PLCE1: variants seen among roughly 807,000 people sequenced by gnomAD.
PLCE1 encodes the protein 1-phosphatidylinositol 4,5-bisphosphate phosphodiesterase epsilon-1.
A neutral mutation model predicts 242.8 loss-of-function variants in PLCE1; 119 were observed. That is an observed-to-expected ratio of 0.49 (90% confidence interval 0.42 to 0.57). The LOEUF is 0.57. PLCE1 is among the 20% of genes least tolerant of loss of function. PLCE1 has a pLI of 0.00. For synonymous variants in PLCE1, 945 were observed against 1,017.4 expected, an observed-to-expected ratio of 0.93 and a Z score of 1.35; for missense variants, 2,441 against 2,788.8, an observed-to-expected ratio of 0.88 and a Z score of 2.81.
Position 94,049,158 on chromosome 10 carries a change from A to G in PLCE1, c.1206+16906A>G, listed in dbSNP as rs539289256. On this transcript the variant is annotated intron_variant, in intron 2 of 32. Coordinates refer to ENST00000371380, the MANE Select transcript of PLCE1 (RefSeq NM_016341.4). ...TCTTTTCTTTTTTGTAAGATTTTGA[A>G]TAAGCAAAATTCTTAAATTTTATAG... 6.6e-5 allele frequency among the ~76,000 whole-genome samples: 10 copies of G among 152,262 alleles called. No homozygotes were observed. In the East Asian group the frequency reaches 1.9e-3, roughly 29 times the overall value.
At chr10:94,175,843 C>G (rs2048111109) in intron 4 of PLCE1, among the ~76,000 whole-genome samples, 1 of 152,158 alleles carries the variant, frequency 6.6e-6, no homozygotes, top group South Asian at 2.1e-4. Context: ...CTGTGCCTTG[C>G]TTATTTCACT....
chr10:93,995,651 G>A (rs1331726899), intron 1 of PLCE1, among the ~76,000 whole-genome samples: 2 of 152,216 alleles, frequency 1.3e-5, no homozygotes, highest in African/African-American at 2.4e-5. Flanking sequence ...AGGAGCTAGA[G>A]GAATGTATAA....
rs1271023624 is a variant in PLCE1, at chr10:94,265,642, T to C, written c.4054-5T>C. The C allele has an allele frequency of 6.2e-7, 1 of 1,613,074 alleles. No homozygotes were observed. Among genetic ancestry groups the C allele is most frequent in the South Asian group, 1.1e-5 (1 of 91,046 alleles). Reference sequence around the variant, plus strand: ...AATAACACTTTTTTTTTTAATCCCTTGCAGAAGTTCGAGCCTAGCATCAGT... The same window carrying C: ...AATAACACTTTTTTTTTTAATCCCTCGCAGAAGTTCGAGCCTAGCATCAGT... On this transcript the variant is annotated splice_region_variant and splice_polypyrimidine_tract_variant and intron_variant, in intron 14 of 32. Transcript: ENST00000371380.
chr10:94,088,658 A>G (rs1450700824), intron 2 of PLCE1, among the ~76,000 whole-genome samples: 2 of 152,340 alleles, frequency 1.3e-5, no homozygotes, highest in Middle Eastern at 3.4e-3. Context: ...AGGCTCTGCT[A>G]TTCTGCAGCA....
At chr10:94,077,912 T>G (rs1440989049) in intron 2 of PLCE1, among the ~76,000 whole-genome samples, 4 of 152,240 alleles carry the variant, frequency 2.6e-5, no homozygotes, top group Non-Finnish European at 5.9e-5. Flanking sequence ...AAAAGTACTC[T>G]TTTACACCCA....
At chr10:94,253,314 G>A (rs973780497) in intron 9 of PLCE1, among the ~76,000 whole-genome samples, 1 of 152,078 alleles carries the variant, frequency 6.6e-6, no homozygotes, top group Non-Finnish European at 1.5e-5. Flanking sequence ...CGCATGACAT[G>A]GCAAGAGCAG....
At chr10:94,073,434 T>G (rs760785803) in intron 2 of PLCE1, among the ~76,000 whole-genome samples, 9 of 152,182 alleles carry the variant, frequency 5.9e-5, no homozygotes, top group Non-Finnish European at 1.3e-4. Flanking sequence ...GGGCTTGAGT[T>G]AGACCTAGAG....
intron 17 of PLCE1, among the ~76,000 whole-genome samples, chr10:94,269,865 A>G (rs2051662734): frequency 1.3e-5 from 2 of 152,198 alleles, no homozygotes; most frequent in African/African-American, 4.8e-5. Context: ...GAGTTATGCA[A>G]TTACTACCTT....
intron 4 of PLCE1, among the ~76,000 whole-genome samples, chr10:94,214,142 G>A (rs377453823): frequency 6.6e-6 from 1 of 152,210 alleles, no homozygotes; most frequent in East Asian, 1.9e-4. Context: ...AGAGGTGCTT[G>A]ACAACATCTT....
intron 27 of PLCE1, among the ~76,000 whole-genome samples, chr10:94,310,472 T>A (rs1436430185): frequency 6.6e-6 from 1 of 152,106 alleles, no homozygotes; most frequent in Non-Finnish European, 1.5e-5. Flanking sequence ...GCCCCAGGCA[T>A]CAGTTTTTTT....
intron 4 of PLCE1, among the ~76,000 whole-genome samples, chr10:94,187,582 G>A (rs559675093): frequency 5.5e-4 from 83 of 152,116 alleles, no homozygotes; most frequent in Non-Finnish European, 1.1e-3. Flanking sequence ...GGTGGGTCTG[G>A]GCCTTAATGC....
At chr10:94,318,392 T>A (rs2053649652) in intron 29 of PLCE1, among the ~76,000 whole-genome samples, 1 of 152,212 alleles carries the variant, frequency 6.6e-6, no homozygotes, top group Non-Finnish European at 1.5e-5. Flanking sequence ...TGTCAGAAAA[T>A]CAGTAAATTT....
chr10:94,222,412 C>T (rs949988610), intron 4 of PLCE1, among the ~76,000 whole-genome samples: 4 of 152,154 alleles, frequency 2.6e-5, no homozygotes, highest in African/African-American at 9.6e-5. Context: ...GAGGGCAGAT[C>T]CTGACAGGTC....
intron 21 of PLCE1, among the ~76,000 whole-genome samples, chr10:94,284,285 T>C (rs985532975): frequency 6.6e-6 from 1 of 152,158 alleles, no homozygotes; most frequent in African/African-American, 2.4e-5. Flanking sequence ...GAAGGAAGAT[T>C]TGGCTAAACA....
chr10:94,154,854 C>A (rs894692363), intron 3 of PLCE1, among the ~76,000 whole-genome samples: 2 of 149,944 alleles, frequency 1.3e-5, no homozygotes, highest in African/African-American at 2.4e-5. Context: ...GCCTAGTCAA[C>A]GTGGCAAGAC....
chr10:93,999,792 T>C (rs2060899210), intron 1 of PLCE1, among the ~76,000 whole-genome samples: 1 of 152,194 alleles, frequency 6.6e-6, no homozygotes, highest in Non-Finnish European at 1.5e-5. Context: ...CATTCCTGAC[T>C]CTTTGCTCCA....
chr10:94,033,394 A>G (rs10882387), intron 2 of PLCE1, among the ~76,000 whole-genome samples: 60,791 of 151,788 alleles, frequency 0.4, 15,077 homozygotes, highest in African/African-American at 0.71. Context: ...AGAGCAGTCG[A>G]TCACCCTAAA....
rs1219987056 is a variant in PLCE1, at chr10:94,205,001, G to A, written c.1810-22305G>A. On this transcript the variant is annotated intron_variant, in intron 4 of 32. Coordinates refer to ENST00000371380, the MANE Select transcript of PLCE1 (RefSeq NM_016341.4). ...AGTTCAGGTATGTTGCTCACTGACAGTCTTACTTGGCGTAAGGATAAAGCT... is the reference window on the plus strand; with the variant it reads ...AGTTCAGGTATGTTGCTCACTGACAATCTTACTTGGCGTAAGGATAAAGCT... 2.0e-5 allele frequency among the ~76,000 whole-genome samples: 3 copies of A among 152,290 alleles called. No individual in the cohort carries two copies. In the East Asian group the frequency reaches 5.8e-4, roughly 29 times the overall value.
At chr10:94,113,776 C>T (rs2046030468) in intron 2 of PLCE1, among the ~76,000 whole-genome samples, 1 of 152,018 alleles carries the variant, frequency 6.6e-6, no homozygotes, top group Non-Finnish European at 1.5e-5. Flanking sequence ...GAAGCTTGGG[C>T]TTGTTGAGGG....
Sources: gnomAD v4.1 joint callset for allele counts (sites outside exome capture counted in the v4.1 genomes callset) on GRCh38, gnomAD v4.1.1 for gene constraint, MANE v1.5 for transcripts, NCBI Gene and HGNC (gene_info 2026-07-23, HGNC 2026-07-21) for gene names.